The following CNTN4 variants were observed in gnomAD, a reference collection of about 807,000 sequenced individuals.
CNTN4 encodes the protein contactin 4, also known as contactin-4.
In CNTN4, 77 loss-of-function variants were observed where a neutral mutation model predicts 122.5. That is an observed-to-expected ratio of 0.63 (90% CI 0.52 to 0.76). CNTN4 has a LOEUF of 0.76. CNTN4 is among the 30% of genes least tolerant of loss of function. The pLI is 0.00. For synonymous variants in CNTN4, 512 were observed against 447.0 expected (o/e 1.15, Z -1.83); for missense variants, 1,256 against 1,259.1 (o/e 1.00, Z 0.04).
At chr3:2,258,862 C>G (rs1247208679) in intron 2 of CNTN4, among the ~76,000 whole-genome samples, 2 of 152,072 alleles carry the variant, frequency 1.3e-5, no homozygotes, top group Non-Finnish European at 1.5e-5. Flanking sequence ...GGGCAGAAAA[C>G]TTTTCCATCT....
At chr3:2,386,526 A>G (rs2046263471) in intron 3 of CNTN4, among the ~76,000 whole-genome samples, 1 of 152,206 alleles carries the variant, frequency 6.6e-6, no homozygotes, top group Non-Finnish European at 1.5e-5. Context: ...TGCATTGAAA[A>G]TATTTGTTGG....
At chr3:2,696,072 C>T (rs2149224978) in intron 4 of CNTN4, among the ~76,000 whole-genome samples, 2 of 152,302 alleles carry the variant, frequency 1.3e-5, no homozygotes, top group East Asian at 1.9e-4. Context: ...TATGTAAATA[C>T]ATTCTGATTT....
At chr3:2,396,801 T>C (rs2046658729) in intron 3 of CNTN4, among the ~76,000 whole-genome samples, 4 of 152,136 alleles carry the variant, frequency 2.6e-5, no homozygotes, top group Admixed American at 1.3e-4. Context: ...TAGACTGATA[T>C]GGCATCAGCT....
intron 4 of CNTN4, among the ~76,000 whole-genome samples, chr3:2,613,835 T>C (rs2081600029): frequency 6.6e-6 from 1 of 151,918 alleles, no homozygotes; most frequent in Admixed American, 6.6e-5. Flanking sequence ...TTTGTCTTTC[T>C]TAAGGAAAAT....
intron 4 of CNTN4, among the ~76,000 whole-genome samples, chr3:2,586,280 G>A (rs931747981): frequency 2.6e-5 from 4 of 152,042 alleles, no homozygotes; most frequent in African/African-American, 7.2e-5. Context: ...GTTTGTTGTT[G>A]TTGTTTTGTT....
intron 2 of CNTN4, among the ~76,000 whole-genome samples, chr3:2,292,276 C>T (rs542606050): frequency 1.3e-5 from 2 of 152,322 alleles, no homozygotes; most frequent in East Asian, 1.9e-4. Flanking sequence ...ATGAACTTCA[C>T]AAGGGCATTG....
intron 3 of CNTN4, among the ~76,000 whole-genome samples, chr3:2,500,859 C>T (rs1030242984): frequency 4.6e-5 from 7 of 151,986 alleles, no homozygotes; most frequent in East Asian, 1.9e-4. Flanking sequence ...GTGCAAGCAT[C>T]GTATTTGTCA....
rs1427191415 is a variant in CNTN4 at position 2,548,790 on chromosome 3, G to C, written c.-88-22626G>C. 3.9e-5 allele frequency among the ~76,000 whole-genome samples: 6 copies of C among 152,106 alleles called. No homozygotes were observed. In the East Asian group the frequency reaches 1.2e-3, roughly 29 times the overall value. On this transcript the variant is annotated intron_variant, in intron 3 of 24. Coordinates refer to ENST00000418658, the MANE Select transcript of CNTN4 (RefSeq NM_175607.3). ...GCAGTATGGCCATTTTCATGATATT[G>C]ATTCTTCCTATCCATGAGCATGGAA...
chr3:2,961,231 C>CACAAAAAAAAAAAAAAA (rs1208900538), intron 13 of CNTN4, among the ~76,000 whole-genome samples: 1 of 37,262 alleles, frequency 2.7e-5, no homozygotes, highest in African/African-American at 1.0e-4. Flanking sequence ...CTCCATCTCA[C>CACAAAAAAAAAAAAAAA]AAAAAAAAAA....
At chr3:2,724,958 C>CAA (rs1248569938) in intron 4 of CNTN4, among the ~76,000 whole-genome samples, 1 of 152,158 alleles carries the variant, frequency 6.6e-6, no homozygotes, top group Non-Finnish European at 1.5e-5. Flanking sequence ...CCCAGTCCCA[C>CAA]AAAAGGTTGG....
intron 7 of CNTN4, among the ~76,000 whole-genome samples, chr3:2,862,367 G>T (rs565980763): frequency 6.6e-6 from 1 of 152,294 alleles, no homozygotes; most frequent in East Asian, 1.9e-4. Flanking sequence ...TACATCATTT[G>T]TTGTTGGCTT....
At chr3:2,643,781 T>G (rs1044737197) in intron 4 of CNTN4, among the ~76,000 whole-genome samples, 2 of 152,140 alleles carry the variant, frequency 1.3e-5, no homozygotes, top group Non-Finnish European at 2.9e-5. Flanking sequence ...GAGACCACAC[T>G]ATTGCTTTAG....
At chr3:2,201,807 G>A (rs921089518) in intron 2 of CNTN4, among the ~76,000 whole-genome samples, 10 of 151,632 alleles carry the variant, frequency 6.6e-5, no homozygotes, top group Admixed American at 2.0e-4. Context: ...TTTTCTCCCC[G>A]CTTCAGATAT....
At chr3:2,375,782 G>A (rs2045792950) in intron 3 of CNTN4, among the ~76,000 whole-genome samples, 1 of 152,054 alleles carries the variant, frequency 6.6e-6, no homozygotes, top group Non-Finnish European at 1.5e-5. Flanking sequence ...AAAGTTAGAG[G>A]ACATATGGTA....
At chr3:2,973,118 G>A (rs1013225620) in intron 13 of CNTN4, among the ~76,000 whole-genome samples, 2 of 152,010 alleles carry the variant, frequency 1.3e-5, no homozygotes, top group Admixed American at 6.6e-5. Context: ...AAAGAATAAA[G>A]GCTCTTCGTT....
chr3:2,937,786 G>A (rs934844885), intron 13 of CNTN4, among the ~76,000 whole-genome samples: 5 of 152,152 alleles, frequency 3.3e-5, no homozygotes, highest in African/African-American at 9.7e-5. Flanking sequence ...TGCCAAAATC[G>A]ACTTCCAACA....
At chr3:2,337,387 C>T (rs1023134641) in intron 2 of CNTN4, among the ~76,000 whole-genome samples, 3 of 152,050 alleles carry the variant, frequency 2.0e-5, no homozygotes, top group African/African-American at 7.2e-5. Context: ...TGAAACTATC[C>T]ATAATGTATG....
intron 4 of CNTN4, among the ~76,000 whole-genome samples, chr3:2,616,753 A>G (rs545528672): frequency 6.6e-6 from 1 of 152,324 alleles, no homozygotes; most frequent in Admixed American, 6.5e-5. Flanking sequence ...CTACAAAGCT[A>G]CAGTAACGAA....
At chr3:2,638,339 C>T (rs918942791) in intron 4 of CNTN4, among the ~76,000 whole-genome samples, 1 of 152,130 alleles carries the variant, frequency 6.6e-6, no homozygotes, top group Admixed American at 6.6e-5. Flanking sequence ...CTGTCCCCAA[C>T]AGAGCTGTAG....
Sources: gnomAD v4.1 joint callset for allele counts (sites outside exome capture counted in the v4.1 genomes callset) on GRCh38, gnomAD v4.1.1 for gene constraint, MANE v1.5 for transcripts, NCBI Gene and HGNC (gene_info 2026-07-23, HGNC 2026-07-21) for gene names.